Variants in PITPNC1 observed in about 807,000 individuals in gnomAD.
The protein encoded by PITPNC1 is phosphatidylinositol transfer protein cytoplasmic 1.
Under a neutral mutation model 44.7 loss-of-function variants are expected in PITPNC1, and 18 were observed. The observed-to-expected ratio is 0.40, with a 90% CI of 0.28 to 0.60. The LOEUF is 0.60. PITPNC1 is among the 20% of genes least tolerant of loss of function. The pLI is 0.39. For synonymous variants in PITPNC1, 141 were observed against 149.6 expected (o/e 0.94, Z 0.42); for missense variants, 290 against 418.4 (o/e 0.69, Z 2.68).
intron 5 of PITPNC1, among the ~76,000 whole-genome samples, chr17:67,587,495 AAAG>A (rs922237097): frequency 5.5e-5 from 8 of 146,196 alleles, no homozygotes; most frequent in East Asian, 1.9e-4. Flanking sequence ...CTCTGTCTCA[AAAG>A]AAGAAGAAGA....
At chr17:67,477,241 CTTTTT>C (rs3052411) in intron 1 of PITPNC1, among the ~76,000 whole-genome samples, 36 of 97,028 alleles carry the variant, frequency 3.7e-4, no homozygotes, top group Non-Finnish European at 5.9e-4. Flanking sequence ...ACACCCAGCT[CTTTTT>C]TTTTTTTTTT....
At chr17:67,640,377 C>T (rs537554349) in intron 6 of PITPNC1, among the ~76,000 whole-genome samples, 1 of 152,234 alleles carries the variant, frequency 6.6e-6, no homozygotes, top group South Asian at 2.1e-4. Flanking sequence ...GATGCCAGTG[C>T]TGTTAGAAAT....
At chr17:67,513,489 G>GTGTGTATATATA (rs772483698) in intron 1 of PITPNC1, among the ~76,000 whole-genome samples, 16 of 138,662 alleles carry the variant, frequency 1.2e-4, no homozygotes, top group African/African-American at 4.3e-4. Context: ...GTGTGTGTGT[G>GTGTGTATATATA]TATATATATA....
intron 1 of PITPNC1, among the ~76,000 whole-genome samples, chr17:67,385,231 G>T (rs8076195): frequency 3.9e-5 from 6 of 151,982 alleles, no homozygotes; most frequent in Middle Eastern, 6.8e-3. Flanking sequence ...CTAATCAGCA[G>T]GCTGCAAAAA....
chr17:67,544,739 C>T (rs918473583), intron 2 of PITPNC1, among the ~76,000 whole-genome samples: 1 of 152,178 alleles, frequency 6.6e-6, no homozygotes, highest in Non-Finnish European at 1.5e-5. Context: ...ACCAGCTGGT[C>T]CTTTTACCTA....
At chr17:67,643,186 G>A (rs2042109321) in intron 6 of PITPNC1, among the ~76,000 whole-genome samples, 1 of 152,192 alleles carries the variant, frequency 6.6e-6, no homozygotes, top group Admixed American at 6.5e-5. Context: ...GATCACTTGA[G>A]GTCAGGAGTT....
chr17:67,458,240 G>C (rs555069534), intron 1 of PITPNC1, among the ~76,000 whole-genome samples: 3 of 151,918 alleles, frequency 2.0e-5, no homozygotes, highest in Non-Finnish European at 4.4e-5. Flanking sequence ...CCAACATCTC[G>C]TCTCAGCATC....
At chr17:67,569,241 A>G (rs941839972) in intron 4 of PITPNC1, among the ~76,000 whole-genome samples, 4 of 152,224 alleles carry the variant, frequency 2.6e-5, no homozygotes, top group African/African-American at 4.8e-5. Context: ...TAGCAACCCT[A>G]ATCGATCACT....
chr17:67,602,249 A>G (rs1418926007), intron 5 of PITPNC1, among the ~76,000 whole-genome samples: 2 of 152,220 alleles, frequency 1.3e-5, no homozygotes, highest in Non-Finnish European at 2.9e-5. Flanking sequence ...TGAGCTTTGG[A>G]GTCCAGTGAA....
chr17:67,689,445 C>T (rs985093697), intron 8 of PITPNC1, among the ~76,000 whole-genome samples: 18 of 151,954 alleles, frequency 1.2e-4, no homozygotes, highest in African/African-American at 4.1e-4. Flanking sequence ...TTTGGAATTC[C>T]GTGAAATTGG....
At chr17:67,567,714 C>T (rs1453237164) in intron 4 of PITPNC1, among the ~76,000 whole-genome samples, 1 of 152,126 alleles carries the variant, frequency 6.6e-6, no homozygotes, top group Non-Finnish European at 1.5e-5. Context: ...GTGGCTCACA[C>T]CTGTAATCCC....
At chr17:67,509,893 A>T (rs889643707) in intron 1 of PITPNC1, among the ~76,000 whole-genome samples, 2 of 152,180 alleles carry the variant, frequency 1.3e-5, no homozygotes, top group Non-Finnish European at 2.9e-5. Context: ...CATTTCTATG[A>T]ATGGATTTGG....
chr17:67,669,374 C>T (rs2042475568), intron 6 of PITPNC1, 134 bp from the exon 7 acceptor site: 1 of 614,152 alleles, frequency 1.6e-6, no homozygotes, highest in Non-Finnish European at 2.7e-6. Flanking sequence ...CCTCAGCCTC[C>T]CAAAGTGCTG....
chr17:67,498,669 G>A (rs1203241093), intron 1 of PITPNC1, among the ~76,000 whole-genome samples: 1 of 152,090 alleles, frequency 6.6e-6, no homozygotes, highest in Non-Finnish European at 1.5e-5. Context: ...TCAATGGTGT[G>A]CAATGATTCC....
At chr17:67,448,334 T>C (rs1567993667) in intron 1 of PITPNC1, among the ~76,000 whole-genome samples, 1 of 151,990 alleles carries the variant, frequency 6.6e-6, no homozygotes, top group African/African-American at 2.4e-5. Flanking sequence ...AGTCTTTATG[T>C]GTCACTGAGT....
At chr17:67,631,657 A>AAAAATATATATAT (rs1555574522) in intron 5 of PITPNC1, among the ~76,000 whole-genome samples, 5 of 7,676 alleles carry the variant, frequency 6.5e-4, no homozygotes, top group South Asian at 7.9e-3. Flanking sequence ...AAAAAAAAAA[A>AAAAATATATATAT]ATATATATAT....
chr17:67,415,296 T>C (rs976663787), intron 1 of PITPNC1, among the ~76,000 whole-genome samples: 1 of 152,236 alleles, frequency 6.6e-6, no homozygotes, highest in African/African-American at 2.4e-5. Context: ...TTTTTCTCAT[T>C]GTCCCTGCCA....
At chr17:67,441,258 G>A (rs1303639353) in intron 1 of PITPNC1, among the ~76,000 whole-genome samples, 2 of 151,388 alleles carry the variant, frequency 1.3e-5, no homozygotes, top group African/African-American at 4.9e-5. Context: ...GTTAGGTCTC[G>A]CAGGCTTGTA....
chr17:67,490,441 A>T (rs561670021), intron 1 of PITPNC1, among the ~76,000 whole-genome samples: 7 of 152,048 alleles, frequency 4.6e-5, no homozygotes, highest in Non-Finnish European at 7.4e-5. Context: ...TGATTTTTTT[A>T]AAAATGTCCC....
Sources: gnomAD v4.1 joint callset for allele counts (sites outside exome capture counted in the v4.1 genomes callset) on GRCh38, gnomAD v4.1.1 for gene constraint, MANE v1.5 for transcripts, NCBI Gene and HGNC (gene_info 2026-07-23, HGNC 2026-07-21) for gene names.